Variants in VPS13C observed in about 807,000 individuals in gnomAD.
VPS13C encodes intermembrane lipid transfer protein VPS13C.
Under a neutral mutation model 456.8 loss-of-function variants are expected in VPS13C, and 358 were observed. The observed-to-expected ratio is 0.78, with a 90% confidence interval of 0.72 to 0.86. The LOEUF (loss-of-function observed/expected upper bound fraction) is 0.86, where lower values mean the gene tolerates loss of function less well. Among genes scored for constraint, VPS13C ranks in the 40% least tolerant of loss-of-function variants. The probability of loss-of-function intolerance (pLI) is 0.00; values close to 1 mark genes in which losing one functional copy is unlikely to be tolerated. For synonymous variants in VPS13C, 1,578 were observed against 1,486.7 expected (o/e 1.06, Z -1.41); for missense variants, 4,818 against 4,385.4 (o/e 1.10, Z -2.79).
intron 6 of VPS13C, among the ~76,000 whole-genome samples, chr15:62,028,133 C>A (rs759452270): frequency 6.6e-6 from 1 of 151,966 alleles, no homozygotes; most frequent in Non-Finnish European, 1.5e-5. Flanking sequence ...CCACAAACAT[C>A]CAGCATCATC....
rs2046881483 is a variant in VPS13C at position 62,007,217 on chromosome 15, T to C, written c.1290+91A>G. On this transcript the variant is annotated intron_variant, in intron 15 of 84. Coordinates refer to ENST00000644861, the MANE Select transcript of VPS13C (RefSeq NM_020821.3). ...AAAAAGAGGTGAATTCTGTTCTTCC[T>C]AAAATTATTTTTTGATTCAAATTAC... 3.8e-6 allele frequency: 4 copies of C among 1,040,336 alleles called. No homozygotes were observed. The Admixed American group carries it at 1.6e-4, about 40-fold the overall frequency. The allele number at this position is 1,040,336 out of a possible 1,614,324, so 64.4% of individuals were successfully genotyped here.
rs374484140 is a variant in VPS13C, at chr15:61,964,554, C to A, written c.3214+145G>T. On this transcript the variant is annotated intron_variant, in intron 31 of 84. Transcript: ENST00000644861. The stretch of plus-strand genomic sequence containing the variant: ...CAGTATTGATTACATTTGCCTTATA[C>A]ATCAGGTGCTCGCATATAATTTAAT... 8 of 750,272 alleles carry A rather than the reference C, an allele frequency of 1.1e-5. No homozygotes were observed. The African/African-American group carries it at 1.4e-4, about 13-fold the overall frequency. The allele number at this position is 750,272 out of a possible 1,614,324, so 46.5% of individuals were successfully genotyped here.
intron 66 of VPS13C, among the ~76,000 whole-genome samples, chr15:61,899,313 G>A (rs1485490669): frequency 7.6e-6 from 1 of 132,276 alleles, no homozygotes; most frequent in Non-Finnish European, 1.6e-5. Flanking sequence ...ATGAATCCAG[G>A]AGCTGGTTTT....
intron 82 of VPS13C, among the ~76,000 whole-genome samples, chr15:61,861,206 G>A (rs1421934231): frequency 6.6e-6 from 1 of 151,704 alleles, no homozygotes; most frequent in Non-Finnish European, 1.5e-5. Context: ...CAAGTGATCC[G>A]CCCGCCTCGG....
Position 61,913,329 on chromosome 15 carries a change from G to C in VPS13C, c.8532C>G (p.Ala2844=), listed in dbSNP as rs1217977088. The C allele has an allele frequency of 6.2e-7, 1 of 1,613,970 alleles. No homozygotes were observed. The part of the protein sequence containing the change: ...VGSYGCVKCP[A]NNMEYLVGVS... ...ATCTTACCAGGTACTCCATATTGTT[G>C]GCAGGACACTTCACACACCCATAAC... The change falls in exon 62 of 85, where the codon GCC becomes GCG. Residue 2844 remains alanine (A), a synonymous_variant. Transcript: ENST00000644861.
intron 66 of VPS13C, among the ~76,000 whole-genome samples, chr15:61,898,376 C>T (rs1320856214): frequency 6.6e-6 from 1 of 151,700 alleles, no homozygotes; most frequent in Admixed American, 6.6e-5. Flanking sequence ...TGCAGAGACA[C>T]ACATAGGCTC....
At chr15:61,988,166 T>A (rs144132114) in intron 18 of VPS13C, among the ~76,000 whole-genome samples, 38 of 152,190 alleles carry the variant, frequency 2.5e-4, no homozygotes, top group African/African-American at 8.9e-4. Context: ...CACGGTGACA[T>A]AAGTTATAAA....
intron 6 of VPS13C, among the ~76,000 whole-genome samples, chr15:62,024,398 G>T (rs189734502): frequency 6.6e-6 from 1 of 152,098 alleles, no homozygotes; most frequent in African/African-American, 2.4e-5. Context: ...CACTGAATTC[G>T]ATTAGGAATT....
At chr15:61,953,390 T>TC (rs1263457544) in intron 38 of VPS13C, among the ~76,000 whole-genome samples, 1 of 75,250 alleles carries the variant, frequency 1.3e-5, no homozygotes, top group Admixed American at 1.9e-4. Flanking sequence ...CCCTCCCCCC[T>TC]CCCCCGACCC....
intron 78 of VPS13C, 32 bp from the exon 79 acceptor site, chr15:61,872,066 T>G (rs769278136): frequency 6.3e-7 from 1 of 1,598,836 alleles, no homozygotes. Context: ...TAGTTTAGAC[T>G]GAATGGAAGG....
intron 40 of VPS13C, 95 bp from the exon 41 acceptor site, chr15:61,950,512 T>G (rs532540410): frequency 1.4e-5 from 13 of 942,464 alleles, no homozygotes; most frequent in Middle Eastern, 2.5e-4. Flanking sequence ...AGTATGCTAT[T>G]AAAAGAGTAA....
chr15:61,911,911 G>C lies in VPS13C; in HGVS notation c.8644C>G (p.Leu2882Val). Residue 2882 changes from leucine (L) to valine (V), a missense_variant, in exon 63 of 85, where the codon CTA becomes GTA. By Grantham distance (32) the Leu-to-Val change is conservative. Around this residue, in one of 3 missense-constraint regions of VPS13C, gnomAD observed 4,552 missense variants for 4,130.6 expected, o/e 1.10. Transcript: ENST00000644861. ...CTIANKSSLE[L>V]EVGEIASDGS... is the part of the protein sequence containing the mutation. ...TCAGATGCAATCTCGCCAACTTCTA[G>C]TTCTAATGATGACTTGTTTGCAATG... 6.2e-7 allele frequency: 1 copy of C among 1,612,776 alleles called. No individual in the cohort carries two copies. Among genetic ancestry groups the C allele is most frequent in the Non-Finnish European group, 8.5e-7 (1 of 1,179,354 alleles).
At chr15:61,890,594 G>C (rs2042619395) in intron 66 of VPS13C, among the ~76,000 whole-genome samples, 194 bp from the exon 67 acceptor site, 1 of 152,124 alleles carries the variant, frequency 6.6e-6, no homozygotes. Context: ...CAAAAACGAA[G>C]ACTAATAGTA....
At chr15:62,052,579 A>G (rs939121329) in intron 1 of VPS13C, among the ~76,000 whole-genome samples, 1 of 148,858 alleles carries the variant, frequency 6.7e-6, no homozygotes, top group African/African-American at 2.5e-5. Context: ...AGGCTGAGGC[A>G]GGAGAATGGC....
chr15:62,010,824 C>T (rs1195724881), intron 12 of VPS13C, among the ~76,000 whole-genome samples: 1 of 152,030 alleles, frequency 6.6e-6, no homozygotes, highest in Non-Finnish European at 1.5e-5. Context: ...AATTGGAATC[C>T]CATGCTTCTA....
At chr15:61,948,421 C>T (rs913827295) in intron 42 of VPS13C, among the ~76,000 whole-genome samples, 1 of 152,072 alleles carries the variant, frequency 6.6e-6, no homozygotes, top group East Asian at 1.9e-4. Context: ...GTGGCTCATG[C>T]CTGTAACCCC....
intron 13 of VPS13C, among the ~76,000 whole-genome samples, chr15:62,009,299 C>A (rs11632560): frequency 0.057 from 8,589 of 151,770 alleles, 311 homozygotes; most frequent in Non-Finnish European, 0.08. Flanking sequence ...CTGTGTAGAT[C>A]TGACAAAACA....
At chr15:61,915,481 C>G in intron 61 of VPS13C, 152 bp downstream of exon 61, 1 of 805,020 alleles carries the variant, frequency 1.2e-6, no homozygotes, top group South Asian at 2.1e-5. Context: ...TTCCTAACAT[C>G]CCACTTGATT....
intron 1 of VPS13C, among the ~76,000 whole-genome samples, chr15:62,045,646 C>T (rs1024703126): frequency 6.6e-6 from 1 of 151,940 alleles, no homozygotes; most frequent in Admixed American, 6.6e-5. Flanking sequence ...ATATATATAA[C>T]AGAGATTATG....
Sources: gnomAD v4.1 joint callset for allele counts (sites outside exome capture counted in the v4.1 genomes callset) on GRCh38, gnomAD v4.1.1 for gene constraint, gnomAD v4.1.1 regional missense constraint, MANE v1.5 for transcripts, NCBI Gene and HGNC (gene_info 2026-07-23, HGNC 2026-07-21) for gene names.